SPIN2A: variants seen among roughly 807,000 people sequenced by gnomAD.
SPIN2A encodes the protein spindlin-2A.
In SPIN2A, 4 loss-of-function variants were observed where a neutral mutation model predicts 9.2. The observed-to-expected ratio is 0.44, with a 90% CI of 0.21 to 1.00. The LOEUF (loss-of-function observed/expected upper bound fraction) is 1.00, where lower values mean the gene tolerates loss of function less well. Among genes scored for constraint, SPIN2A ranks in the 50% least tolerant of loss-of-function variants. SPIN2A has a pLI of 0.26. For synonymous variants in SPIN2A, 25 were observed against 61.2 expected (o/e 0.41, Z 2.76); for missense variants, 77 against 172.8 (o/e 0.45, Z 3.11).
At chrX:57,136,990 C>T in intron 1 of SPIN2A, 1 of 892,023 alleles carries the variant, frequency 1.1e-6, no homozygotes, top group Non-Finnish European at 1.4e-6. Flanking sequence ...TCTGTAACCC[C>T]CACTGCCTAT....
upstream of SPIN2A, among the ~76,000 whole-genome samples, chrX:57,140,417 C>CACAA (rs1927966307): frequency 1.5e-5 from 1 of 64,830 alleles, no homozygotes; most frequent in East Asian, 4.5e-4. Flanking sequence ...CCATCTCTAC[C>CACAA]AAAAAAAAAA....
the SPIN2A span, among the ~76,000 whole-genome samples, chrX:57,143,028 G>T: frequency 1.8e-5 from 2 of 111,187 alleles, no homozygotes; most frequent in Non-Finnish European, 3.8e-5. Context: ...CTTGTACACA[G>T]AATCTACTTT....
chrX:57,137,983 A>T (rs2146918808), upstream of SPIN2A, among the ~76,000 whole-genome samples: 1 of 111,399 alleles, frequency 9.0e-6, no homozygotes, highest in South Asian at 3.7e-4. Flanking sequence ...CCTCTATCCA[A>T]TCACATAACT....
At chrX:57,147,077 C>T in the SPIN2A span, among the ~76,000 whole-genome samples, 1 of 111,409 alleles carries the variant, frequency 9.0e-6, no homozygotes, top group African/African-American at 3.3e-5. Flanking sequence ...ATACTCACTT[C>T]ACAGAATGAT....
At chrX:57,135,644 A>G (rs994602501), downstream of SPIN2A, 2 of 1,011,089 alleles carry the variant, frequency 2.0e-6, no homozygotes, top group Non-Finnish European at 2.6e-6. Flanking sequence ...GCTTACAGAC[A>G]GCATGTCATG....
chrX:57,144,756 G>A, the SPIN2A span, among the ~76,000 whole-genome samples: 4 of 110,620 alleles, frequency 3.6e-5, no homozygotes, highest in African/African-American at 1.3e-4. Flanking sequence ...CCACTTATGA[G>A]TGAGAACATA....
At chrX:57,137,467 A>G, upstream of SPIN2A, 1 of 456,217 alleles carries the variant, frequency 2.2e-6, no homozygotes, top group Non-Finnish European at 2.7e-6. Flanking sequence ...GCCACCCCTC[A>G]GCCACGTTGG....
At chrX:57,143,822 G>T in the SPIN2A span, among the ~76,000 whole-genome samples, 4 of 111,568 alleles carry the variant, frequency 3.6e-5, no homozygotes, top group Non-Finnish European at 7.5e-5. Flanking sequence ...TCACAGTAAA[G>T]ATATAAGTGG....
chrX:57,138,306 ATGT>A, upstream of SPIN2A, among the ~76,000 whole-genome samples: 1 of 111,660 alleles, frequency 9.0e-6, no homozygotes, highest in Non-Finnish European at 1.9e-5. Flanking sequence ...TTTCAGTTAC[ATGT>A]TGTAGGACAA....
chrX:57,136,773 C>T (rs1463578892), intron 1 of SPIN2A, 171 bp from the exon 2 acceptor site: 2 of 332,932 alleles, frequency 6.0e-6, no homozygotes, highest in South Asian at 4.2e-5. Flanking sequence ...TCTTAAGTTC[C>T]TTTGGGCTGT....
chrX:57,137,043 C>G lies in SPIN2A; in HGVS notation c.-6+217G>C, dbSNP rs141248991. On this transcript the variant is annotated intron_variant, in intron 1 of 1. Transcript: ENST00000374906. ...TACCTACCTCCCTTGCTTCCTGGCGCTCACCTTCAAATCCTTGTCTGGCTC... is the reference window on the plus strand; with the variant it reads ...TACCTACCTCCCTTGCTTCCTGGCGGTCACCTTCAAATCCTTGTCTGGCTC... 3,862 of 821,682 alleles carry G rather than the reference C, an allele frequency of 4.7e-3. 184 individuals carry two copies. The East Asian group carries it at 0.14, about 29-fold the overall frequency. 67.7% of individuals were successfully genotyped at this position (821,682 alleles called of 1,213,427 possible).
chrX:57,134,701 C>G (rs1311418433), downstream of SPIN2A: 1 of 111,630 alleles, frequency 9.0e-6, no homozygotes, highest in Non-Finnish European at 1.9e-5. Context: ...CTCTTAAGTT[C>G]TGAGAGCCCC....
chrX:57,145,889 G>C, the SPIN2A span, among the ~76,000 whole-genome samples: 1 of 111,296 alleles, frequency 9.0e-6, no homozygotes, highest in Non-Finnish European at 1.9e-5. Flanking sequence ...TTTATTTCTG[G>C]GTTCTCTGTT....
At chrX:57,146,332 T>C in the SPIN2A span, among the ~76,000 whole-genome samples, 2 of 111,541 alleles carry the variant, frequency 1.8e-5, no homozygotes, top group Admixed American at 1.9e-4. Flanking sequence ...GTGGCAATTG[T>C]GAAAGGGATT....
At chrX:57,142,716 A>C in the SPIN2A span, among the ~76,000 whole-genome samples, 1 of 111,705 alleles carries the variant, frequency 9.0e-6, no homozygotes, top group East Asian at 2.8e-4. Context: ...TATAGTCCAC[A>C]CTTGTTATCG....
chrX:57,140,357 C>T (rs1257873210), upstream of SPIN2A, among the ~76,000 whole-genome samples: 1 of 101,173 alleles, frequency 9.9e-6, no homozygotes, highest in African/African-American at 3.8e-5. Context: ...TTAGAATTTC[C>T]AGTACTATGT....
At chrX:57,137,001 C>A in intron 1 of SPIN2A, 1 of 867,741 alleles carries the variant, frequency 1.2e-6, no homozygotes, top group African/African-American at 2.1e-5. Context: ...CACTGCCTAT[C>A]CTAACCACTT....
chrX:57,137,267 C>T lies in SPIN2A; in HGVS notation c.-13G>A, dbSNP rs1166860730. On this transcript the variant is annotated 5_prime_UTR_variant, in exon 1 of 2. Coordinates refer to ENST00000374906, the MANE Select transcript of SPIN2A (RefSeq NM_019003.5). ...CGTGCCGAAATCGGATACCTCGATG[C>T]TGCCTCTGCTGTGAGCCTGTGGCGA... 1.3e-6 allele frequency: 1 copy of T among 761,601 alleles called. No individual in the cohort carries two copies. The highest frequency in any genetic ancestry group is 1.5e-4 in the East Asian group (1 of 6,813). The allele number at this position is 761,601 out of a possible 1,213,427, so 62.8% of individuals were successfully genotyped here.
chrX:57,134,648 A>AT (rs1189517662), downstream of SPIN2A: 7 of 111,272 alleles, frequency 6.3e-5, no homozygotes, highest in Non-Finnish European at 1.3e-4. Context: ...GTAAGATTTC[A>AT]TTTTTTCTGG....
Sources: gnomAD v4.1 joint callset for allele counts (sites outside exome capture counted in the v4.1 genomes callset) on GRCh38, gnomAD v4.1.1 for gene constraint, MANE v1.5 for transcripts, NCBI Gene and HGNC (gene_info 2026-07-23, HGNC 2026-07-21) for gene names.